Variants in BBS9 observed in about 807,000 individuals in gnomAD.
BBS9 encodes the protein protein PTHB1.
A neutral mutation model predicts 117.7 loss-of-function variants in BBS9; 89 were observed. The observed-to-expected ratio is 0.76, with a 90% CI of 0.64 to 0.90. BBS9 has a LOEUF of 0.90. Ranked by LOEUF, BBS9 falls within the 40% of genes least tolerant of loss-of-function variation. BBS9 has a pLI of 0.00. For synonymous variants in BBS9, 379 were observed against 370.9 expected, an observed-to-expected ratio of 1.02 and a Z score of -0.25; for missense variants, 982 against 1,042.2, an observed-to-expected ratio of 0.94 and a Z score of 0.80.
chr7:33,513,094 A>G (rs1409975643), intron 20 of BBS9, among the ~76,000 whole-genome samples: 1 of 151,830 alleles, frequency 6.6e-6, no homozygotes, highest in Non-Finnish European at 1.5e-5. Context: ...GCTCTACCAT[A>G]TCTCATTTCT....
intron 5 of BBS9, among the ~76,000 whole-genome samples, chr7:33,212,910 G>A (rs1788295145): frequency 6.6e-6 from 1 of 152,186 alleles, no homozygotes; most frequent in African/African-American, 2.4e-5. Flanking sequence ...GGCATTTGGT[G>A]ATGCAAGCAG....
chr7:33,391,409 C>A (rs558536191), intron 19 of BBS9, among the ~76,000 whole-genome samples: 1 of 152,234 alleles, frequency 6.6e-6, no homozygotes, highest in South Asian at 2.1e-4. Context: ...CTATGAGACA[C>A]ACATACACAC....
chr7:33,634,507 A>G (rs1190224848), intron 21 of BBS9, among the ~76,000 whole-genome samples: 2 of 152,216 alleles, frequency 1.3e-5, no homozygotes, highest in Non-Finnish European at 2.9e-5. Context: ...TTCCCGGCAC[A>G]TAGTAGGAAT....
At chr7:33,453,788 G>A (rs958646028) in intron 19 of BBS9, among the ~76,000 whole-genome samples, 6 of 152,056 alleles carry the variant, frequency 3.9e-5, no homozygotes, top group Non-Finnish European at 7.4e-5. Flanking sequence ...CCAAAGTGCT[G>A]GGATTACAGG....
At chr7:33,273,270 A>C (rs1224093898) in intron 8 of BBS9, 75 bp downstream of exon 8, 2 of 1,395,592 alleles carry the variant, frequency 1.4e-6, no homozygotes, top group African/African-American at 2.9e-5. Context: ...AGCCACACTC[A>C]TACACATATT....
In BBS9 at chr7:33,151,642, C is replaced by T. The variant is rs75596494; in HGVS notation, c.113-1059C>T. 0.018 allele frequency among the ~76,000 whole-genome samples: 2,758 copies of T among 151,780 alleles called. 234 individuals carry two copies. The East Asian group carries it at 0.28, about 15-fold the overall frequency. ...TCGGCTCAATGCAGCCTCCACTTCC[C>T]GGATTCCAGCGATTCTCCTGCCTCA... On this transcript the variant is annotated intron_variant, in intron 2 of 22. Coordinates refer to ENST00000242067, the MANE Select transcript of BBS9 (RefSeq NM_198428.3).
At chr7:33,375,387 C>T (rs7776754) in intron 17 of BBS9, among the ~76,000 whole-genome samples, 26,929 of 151,866 alleles carry the variant, frequency 0.18, 2,550 homozygotes, top group South Asian at 0.21. Context: ...TTTCTCCCTC[C>T]ATGAAATATA....
At chr7:33,190,011 C>T (rs991359224) in intron 5 of BBS9, among the ~76,000 whole-genome samples, 7 of 151,776 alleles carry the variant, frequency 4.6e-5, no homozygotes, top group Non-Finnish European at 1.0e-4. Flanking sequence ...TGTGAGCCAC[C>T]GTGACTGGCT....
At chr7:33,623,029 T>C (rs1334448021) in intron 21 of BBS9, among the ~76,000 whole-genome samples, 2 of 152,182 alleles carry the variant, frequency 1.3e-5, no homozygotes, top group Non-Finnish European at 2.9e-5. Flanking sequence ...CTTAATTTCA[T>C]CATAGCCTAA....
chr7:33,544,383 G>A (rs1002570634), intron 21 of BBS9, among the ~76,000 whole-genome samples: 3 of 152,168 alleles, frequency 2.0e-5, no homozygotes, highest in African/African-American at 7.2e-5. Context: ...CCCATGGGGT[G>A]TTCCCTTGAT....
chr7:33,633,250 C>G (rs1205372513), intron 21 of BBS9, among the ~76,000 whole-genome samples: 3 of 151,624 alleles, frequency 2.0e-5, no homozygotes, highest in East Asian at 1.9e-4. Flanking sequence ...ACCGGTTTTA[C>G]TAGAAAATAG....
In BBS9 at chr7:33,336,434, ATT is replaced by A; in HGVS notation, c.1017-6_1017-5del. ...AATTATGTCTCATTTTCTCTTCCTT[ATT>A]GTAGTGATTTAAAGGGAGTGATAGT... On this transcript the variant is annotated splice_region_variant and splice_polypyrimidine_tract_variant and intron_variant, in intron 9 of 22. Coordinates refer to ENST00000242067, the MANE Select transcript of BBS9 (RefSeq NM_198428.3). 1 of 1,610,870 alleles carries A rather than the reference ATT, an allele frequency of 6.2e-7. No individual in the cohort carries two copies. Among genetic ancestry groups the A allele is most frequent in the Non-Finnish European group, 8.5e-7 (1 of 1,177,422 alleles).
At chr7:33,144,486 G>A (rs1792026467) in intron 1 of BBS9, among the ~76,000 whole-genome samples, 2 of 152,222 alleles carry the variant, frequency 1.3e-5, no homozygotes, top group Non-Finnish European at 2.9e-5. Context: ...GTCACCTGAT[G>A]CACATGTTCC....
intron 20 of BBS9, among the ~76,000 whole-genome samples, chr7:33,515,406 C>T (rs1189958034): frequency 2.0e-5 from 3 of 152,190 alleles, no homozygotes; most frequent in South Asian, 2.1e-4. Flanking sequence ...TGTACTATAA[C>T]GAGCATTGTT....
rs190609356 is a variant in BBS9 at position 33,223,669 on chromosome 7, C to T, written c.443-33567C>T. ...TAAGCACTTACTGTGCTCTCTTACACTTTTAAAATTTGTCTTTTTTTTTTT... is the reference window on the plus strand; with the variant it reads ...TAAGCACTTACTGTGCTCTCTTACATTTTTAAAATTTGTCTTTTTTTTTTT... On this transcript the variant is annotated intron_variant, in intron 5 of 22. Transcript: ENST00000242067. Among the ~76,000 whole-genome samples the T allele has an allele frequency of 7.0e-3, 1,053 of 150,440 alleles. 13 individuals carry two copies. The highest frequency in any genetic ancestry group is 0.024 in the African/African-American group (1,001 of 41,060).
chr7:33,151,119 G>A (rs1413418436), intron 2 of BBS9, among the ~76,000 whole-genome samples: 1 of 152,144 alleles, frequency 6.6e-6, no homozygotes, highest in African/African-American at 2.4e-5. Flanking sequence ...GGGCATGAAG[G>A]CATATGCCTG....
intron 21 of BBS9, among the ~76,000 whole-genome samples, chr7:33,544,730 G>A (rs1369440248): frequency 6.6e-6 from 1 of 152,186 alleles, no homozygotes; most frequent in South Asian, 2.1e-4. Flanking sequence ...GAGAGGGACC[G>A]GCAGTGGGTG....
At chr7:33,508,230 GA>G (rs1208055218) in intron 20 of BBS9, among the ~76,000 whole-genome samples, 2 of 152,182 alleles carry the variant, frequency 1.3e-5, no homozygotes, top group African/African-American at 4.8e-5. Flanking sequence ...GGACTGAAAG[GA>G]AAAGGAACTA....
intron 7 of BBS9, among the ~76,000 whole-genome samples, chr7:33,272,085 T>A (rs1426617456): frequency 6.6e-6 from 1 of 152,168 alleles, no homozygotes; most frequent in Non-Finnish European, 1.5e-5. Flanking sequence ...ATTATGTCAT[T>A]TGCAGAAACA....
Sources: gnomAD v4.1 joint callset for allele counts (sites outside exome capture counted in the v4.1 genomes callset) on GRCh38, gnomAD v4.1.1 for gene constraint, MANE v1.5 for transcripts, NCBI Gene and HGNC (gene_info 2026-07-23, HGNC 2026-07-21) for gene names.